Variants in ZBP1 observed in about 807,000 individuals in gnomAD.
ZBP1 encodes Z-DNA-binding protein 1.
Under a neutral mutation model 41.1 loss-of-function variants are expected in ZBP1, and 42 were observed. The ratio of observed to expected loss-of-function variants is 1.02; its 90% CI spans 0.80 to 1.32. The LOEUF is 1.32. ZBP1 is among the 40% of genes most tolerant of loss of function. The probability of loss-of-function intolerance (pLI) is 0.00; values close to 1 mark genes in which losing one functional copy is unlikely to be tolerated. For missense variants in ZBP1, 562 were observed against 549.7 expected (o/e 1.02, Z -0.22); for synonymous variants, 214 against 205.2 (o/e 1.04, Z -0.37).
At chr20:57,615,621 G>A (rs1379798680) in intron 2 of ZBP1, 41 bp from the exon 3 acceptor site, 1 of 1,576,646 alleles carries the variant, frequency 6.3e-7, no homozygotes, top group Non-Finnish European at 8.7e-7. Context: ...GGGGACAGAA[G>A]ACAGCACCAG....
chr20:57,610,712 G>A lies in ZBP1; in HGVS notation c.875-345C>T. ...ACTGGAACACTGGCCCCCACTTTTG[G>A]TTGAAATCTTATGGGGGCTCCCAGC... On this transcript the variant is annotated intron_variant, in intron 6 of 7. Coordinates refer to ENST00000371173, the MANE Select transcript of ZBP1 (RefSeq NM_030776.3). This position sits in a 1 kb window ranked among gnomAD's most constrained non-coding sequence, Gnocchi z 5.5. 2.8e-6 allele frequency: 1 copy of A among 361,412 alleles called. No homozygotes were observed. The highest frequency in any genetic ancestry group is 3.1e-5 in the South Asian group (1 of 32,662). The allele number at this position is 361,412 out of a possible 1,614,324, so 22.4% of individuals were successfully genotyped here.
In ZBP1 at chr20:57,606,356, G is replaced by A. The variant is rs1423262810; in HGVS notation, c.1094-1587C>T. 3.3e-5 allele frequency among the ~76,000 whole-genome samples: 5 copies of A among 152,282 alleles called. No homozygotes were observed. The East Asian group carries it at 9.6e-4, about 29-fold the overall frequency. On this transcript the variant is annotated intron_variant, in intron 7 of 7. Coordinates refer to ENST00000371173, the MANE Select transcript of ZBP1 (RefSeq NM_030776.3). ...AGAAGAATAGTTGGAAGTGAGCAGA[G>A]GTTGGTTCATGAGGTTTAAGGAAAG...
At chr20:57,606,896 G>A (rs552555722) in intron 7 of ZBP1, among the ~76,000 whole-genome samples, 1 of 152,212 alleles carries the variant, frequency 6.6e-6, no homozygotes, top group East Asian at 1.9e-4. Flanking sequence ...ATCCTGGATT[G>A]AGGGCCAAAA....
chr20:57,610,580 T>A lies in ZBP1; in HGVS notation c.875-213A>T. 1.7e-6 allele frequency: 1 copy of A among 601,114 alleles called. No homozygotes were observed. The highest frequency in any genetic ancestry group is 2.0e-5 in the South Asian group (1 of 50,808). 37.2% of individuals were successfully genotyped at this position (601,114 alleles called of 1,614,324 possible). A position where few individuals can be genotyped will look rare whatever the true frequency, so the allele number is the denominator to read the frequency against. The stretch of plus-strand genomic sequence containing the variant: ...TCTGGGAAGCGTCTTTCTGCTCCAC[T>A]GATCCCGCAGTGGGTCTGCCCCACT... On this transcript the variant is annotated intron_variant, in intron 6 of 7. Transcript: ENST00000371173. The surrounding 1 kb of genome is among the most constrained non-coding windows in gnomAD (Gnocchi z 5.5).
chr20:57,606,798 A>G lies in ZBP1; in HGVS notation c.1094-2029T>C, dbSNP rs4811886. 2.3e-3 allele frequency among the ~76,000 whole-genome samples: 354 copies of G among 152,340 alleles called. 11 individuals are homozygous for G. Among genetic ancestry groups the G allele is most frequent in the Admixed American group, 0.019 (287 of 15,304 alleles). On this transcript the variant is annotated intron_variant, in intron 7 of 7. Transcript: ENST00000371173. ...TTGGTTTACTGAATATTTTAAGCCT[A>G]GCATTGAGACTTACTGCTTAGAAAA... is the stretch of plus-strand genomic sequence containing the variant.
rs779771119 is a variant in ZBP1 at position 57,614,870 on chromosome 20, G to A, written c.502+17C>T. 20 of 1,613,608 alleles carry A rather than the reference G, an allele frequency of 1.2e-5. No individual in the cohort carries two copies. The highest frequency in any genetic ancestry group is 1.7e-5 in the Non-Finnish European group (20 of 1,179,734). On this transcript the variant is annotated intron_variant, in intron 4 of 7. Coordinates refer to ENST00000371173, the MANE Select transcript of ZBP1 (RefSeq NM_030776.3). ...GGTTTCCCTCTGCAGCCCAGACACAGGCAGCCGGGGGCCTACCTGGGCGGT... is the reference window on the plus strand; with the variant it reads ...GGTTTCCCTCTGCAGCCCAGACACAAGCAGCCGGGGGCCTACCTGGGCGGT...
Position 57,620,375 on chromosome 20 carries a change from G to A in ZBP1, c.-80C>T, listed in dbSNP as rs1568945050. On this transcript the variant is annotated 5_prime_UTR_variant, in exon 1 of 8. Transcript: ENST00000371173. ...ACTGTGGCCCTGAGAGGGTGGGCTA[G>A]GTCGAGGCTGGGGCTTCTGAAGTGG... 8.0e-6 allele frequency: 12 copies of A among 1,500,574 alleles called. No homozygotes were observed. The East Asian group carries it at 1.2e-4, about 15-fold the overall frequency. 93.0% of individuals were successfully genotyped at this position (1,500,574 alleles called of 1,614,324 possible). A position where few individuals can be genotyped will look rare whatever the true frequency, so the allele number is the denominator to read the frequency against.
chr20:57,606,484 T>G (rs1203699988), intron 7 of ZBP1, among the ~76,000 whole-genome samples: 1 of 152,222 alleles, frequency 6.6e-6, no homozygotes, highest in Non-Finnish European at 1.5e-5. Flanking sequence ...TTGATGAGCG[T>G]GACTACACAA....
chr20:57,620,405 G>T lies in ZBP1; in HGVS notation c.-110C>A. On this transcript the variant is annotated 5_prime_UTR_variant, in exon 1 of 8. Coordinates refer to ENST00000371173, the MANE Select transcript of ZBP1 (RefSeq NM_030776.3). ...AGGCTGGGGCTTCTGAAGTGGCCGA[G>T]CCTGGTGCTTCTTGCAGCTCTGAAC... 1 of 1,234,436 alleles carries T rather than the reference G, an allele frequency of 8.1e-7. No homozygotes were observed. The allele number at this position is 1,234,436 out of a possible 1,614,324, so 76.5% of individuals were successfully genotyped here.
Position 57,613,060 on chromosome 20 carries a change from G to A in ZBP1, c.670+103C>T. 6.4e-7 allele frequency: 1 copy of A among 1,552,258 alleles called. No individual in the cohort carries two copies. The highest frequency in any genetic ancestry group is 2.4e-5 in the East Asian group (1 of 41,286). On this transcript the variant is annotated intron_variant, in intron 5 of 7. Coordinates refer to ENST00000371173, the MANE Select transcript of ZBP1 (RefSeq NM_030776.3). This position sits in a 1 kb window ranked among gnomAD's most constrained non-coding sequence, Gnocchi z 4.5. The stretch of plus-strand genomic sequence containing the variant: ...CTGGAAGCAACCCTTTCCCCTTGGA[G>A]GGCAGAATCCCCCCACTCCCCATCC...
In ZBP1 at chr20:57,615,045, C is replaced by T. The variant is rs868862075; in HGVS notation, c.344G>A (p.Arg115Lys). 2 of 1,614,192 alleles carry T rather than the reference C, an allele frequency of 1.2e-6. No individual in the cohort carries two copies. Among genetic ancestry groups the T allele is most frequent in the East Asian group, 2.2e-5 (1 of 44,882 alleles). The change falls in exon 4 of 8, where the codon AGG becomes AAG. Residue 115 changes from arginine to lysine, a missense_variant. Arg to Lys is a conservative substitution (Grantham distance 26, BLOSUM62 2). Transcript: ENST00000371173. ...CTGGGGACCATTGTCTTTGAGAAAC[C>T]TGTAGATGTCTTCCTCTGGGAGGCA... ...FSQQREEDIYRFLKDNGPQRA... is the reference protein window; with the variant it reads ...FSQQREEDIYKFLKDNGPQRA...
At chr20:57,607,442 T>C in intron 7 of ZBP1, 2 of 1,108,276 alleles carry the variant, frequency 1.8e-6, no homozygotes, top group African/African-American at 1.6e-5. Flanking sequence ...TTTCTTGAGA[T>C]GGCATCTATT....
chr20:57,613,173 G>T lies in ZBP1; in HGVS notation c.660C>A (p.Ser220=), dbSNP rs780319056. ...HGNIITRQTV[S]REDGSAGPRH... ...TCTTGGGTGACTTACCGTCCTCCCT[G>T]GAGACTGTCTGTCTTGTAATGATGT... Residue 220 remains serine, a synonymous_variant, in exon 5 of 8, where the codon TCC becomes TCA. Transcript: ENST00000371173. This position sits in a 1 kb window ranked among gnomAD's most constrained non-coding sequence, Gnocchi z 4.5. The T allele has an allele frequency of 3.7e-6, 6 of 1,614,158 alleles. No homozygotes were observed. Among genetic ancestry groups the T allele is most frequent in the Non-Finnish European group, 5.1e-6 (6 of 1,180,030 alleles).
chr20:57,606,733 A>G (rs1021335461), intron 7 of ZBP1, among the ~76,000 whole-genome samples: 12 of 152,186 alleles, frequency 7.9e-5, no homozygotes, highest in African/African-American at 2.9e-4. Context: ...ATGTTCTATG[A>G]ATGAAGCAAC....
At chr20:57,611,647 A>G (rs1376485707) in intron 6 of ZBP1, 80 bp downstream of exon 6, 9 of 1,439,276 alleles carry the variant, frequency 6.3e-6, no homozygotes. Context: ...TTCTCTTCCC[A>G]AAAAGATTCT....
At chr20:57,609,178 C>T (rs1343369774) in intron 7 of ZBP1, among the ~76,000 whole-genome samples, 1 of 152,194 alleles carries the variant, frequency 6.6e-6, no homozygotes, top group Admixed American at 6.5e-5. Flanking sequence ...TTCCACCCAC[C>T]AGGTACACCT....
intron 5 of ZBP1, 25 bp from the exon 6 acceptor site, chr20:57,611,955 T>C: frequency 6.5e-7 from 1 of 1,548,452 alleles, no homozygotes; most frequent in Admixed American, 2.0e-5. Context: ...TGGCACAGCC[T>C]CACCGGAGAT....
Position 57,610,536 on chromosome 20 carries a change from C to CACCCGCCACACCTCA in ZBP1, c.875-170_875-169insTGAGGTGTGGCGGGT. On this transcript the variant is annotated intron_variant, in intron 6 of 7. Coordinates refer to ENST00000371173, the MANE Select transcript of ZBP1 (RefSeq NM_030776.3). The surrounding 1 kb of genome is among the most constrained non-coding windows in gnomAD (Gnocchi z 5.5). ...GCCACACCTCCACCCGCCACACCTC[C>CACCCGCCACACCTCA]GCTCGTGCTGTTGTGCTGTCTGGGA... is the stretch of plus-strand genomic sequence containing the variant. 1.5e-6 allele frequency: 1 copy of CACCCGCCACACCTCA among 665,552 alleles called. No homozygotes were observed. The highest frequency in any genetic ancestry group is 2.6e-6 in the Non-Finnish European group (1 of 385,950). 41.2% of individuals were successfully genotyped at this position (665,552 alleles called of 1,614,324 possible). A position where few individuals can be genotyped will look rare whatever the true frequency, so the allele number is the denominator to read the frequency against.
Position 57,610,101 on chromosome 20 carries a change from G to A in ZBP1, c.1093+48C>T, listed in dbSNP as rs1412108691. On this transcript the variant is annotated intron_variant, in intron 7 of 7. Transcript: ENST00000371173. The surrounding 1 kb of genome is among the most constrained non-coding windows in gnomAD (Gnocchi z 5.5). ...GTGAATGAATGAATGAGTGGAAGGT[G>A]GGGAGAGAGAGAGAACACACAGGGG... 2 of 1,538,736 alleles carry A rather than the reference G, an allele frequency of 1.3e-6. No homozygotes were observed. Among genetic ancestry groups the A allele is most frequent in the Non-Finnish European group, 1.8e-6 (2 of 1,115,234 alleles).
Sources: allele counts gnomAD v4.1 joint callset (sites outside exome capture counted in the v4.1 genomes callset), GRCh38; gene constraint gnomAD v4.1.1; non-coding constraint Gnocchi (gnomAD v3.1); transcripts MANE v1.5; gene names NCBI Gene and HGNC (gene_info 2026-07-23, HGNC 2026-07-21).